The following STARD13 variants were observed in gnomAD, a reference collection of about 807,000 sequenced individuals.
The protein encoded by STARD13 is stAR-related lipid transfer protein 13.
In STARD13, 62 loss-of-function variants were observed where a neutral mutation model predicts 106.4. The ratio of observed to expected loss-of-function variants is 0.58; its 90% CI spans 0.48 to 0.72. The LOEUF (loss-of-function observed/expected upper bound fraction) is 0.72, where lower values mean the gene tolerates loss of function less well. Among genes scored for constraint, STARD13 ranks in the 30% least tolerant of loss-of-function variants. The probability of loss-of-function intolerance (pLI) is 0.00; values close to 1 mark genes in which losing one functional copy is unlikely to be tolerated. For synonymous variants in STARD13, 565 were observed against 553.0 expected (o/e 1.02, Z -0.31); for missense variants, 1,387 against 1,424.0 (o/e 0.97, Z 0.42).
At chr13:33,593,267 C>A in the STARD13 span, among the ~76,000 whole-genome samples, 334 of 152,206 alleles carry the variant, frequency 2.2e-3, 1 homozygote, top group African/African-American at 7.4e-3. Context: ...CCACTGCAAC[C>A]TCTGCCTCCC....
rs923551105 is a variant in STARD13, at chr13:33,350,288, A to C, written c.124+2T>G. ...GGGTCGCGGCGTCTCCGGGGCACTG[A>C]CCTGCCAGCCGCCTCTCCCGGACGT... is the stretch of plus-strand genomic sequence containing the variant. On this transcript the variant is annotated splice_donor_variant, in intron 1 of 1. Transcript: ENST00000439831. LOFTEE classifies it high-confidence loss of function. 1 of 1,530,500 alleles carries C rather than the reference A, an allele frequency of 6.5e-7. No individual in the cohort carries two copies. Among genetic ancestry groups the C allele is most frequent in the Non-Finnish European group, 8.7e-7 (1 of 1,144,494 alleles). 94.8% of individuals were successfully genotyped at this position (1,530,500 alleles called of 1,614,324 possible). A position where few individuals can be genotyped will look rare whatever the true frequency, so the allele number is the denominator to read the frequency against.
chr13:33,582,720 A>G, the STARD13 span, among the ~76,000 whole-genome samples: 1 of 152,244 alleles, frequency 6.6e-6, no homozygotes, highest in South Asian at 2.1e-4. Context: ...CTTTGGTACA[A>G]CACAGCAGAT....
chr13:33,507,403 A>C, the STARD13 span, among the ~76,000 whole-genome samples: 1 of 152,178 alleles, frequency 6.6e-6, no homozygotes, highest in African/African-American at 2.4e-5. Context: ...TTTTAAATAA[A>C]ATTATGAAAC....
In STARD13 at chr13:33,215,124, G is replaced by T. The variant is rs556503427; in HGVS notation, c.170-47502C>A. 6.6e-3 allele frequency among the ~76,000 whole-genome samples: 851 copies of T among 128,376 alleles called. 3 individuals are homozygous for T. The highest frequency in any genetic ancestry group is 0.011 in the Non-Finnish European group (671 of 62,192). 84.2% of individuals were successfully genotyped at this position (128,376 alleles called of 152,430 possible). On this transcript the variant is annotated intron_variant, in intron 1 of 13. Transcript: ENST00000336934. ...TCAGGAATAGAATGAGTACTTGGGGGGGGGGGTGGGGGGAAATAAGCACCT... is the reference window on the plus strand; with the variant it reads ...TCAGGAATAGAATGAGTACTTGGGGTGGGGGGTGGGGGGAAATAAGCACCT...
intron 4 of STARD13, among the ~76,000 whole-genome samples, chr13:33,141,200 A>G (rs998283649): frequency 6.6e-6 from 1 of 152,242 alleles, no homozygotes; most frequent in Admixed American, 6.5e-5. Flanking sequence ...GAATCAATTC[A>G]GTGAAAAAGA....
the STARD13 span, among the ~76,000 whole-genome samples, chr13:33,630,376 C>T: frequency 6.6e-6 from 1 of 152,178 alleles, no homozygotes; most frequent in Admixed American, 6.5e-5. Context: ...CTCTTCACCA[C>T]TTTCCTAGCC....
At chr13:33,526,088 T>C in the STARD13 span, among the ~76,000 whole-genome samples, 8 of 152,122 alleles carry the variant, frequency 5.3e-5, no homozygotes, top group Non-Finnish European at 1.2e-4. Flanking sequence ...ATGGTGATGA[T>C]TATAGTAGCT....
chr13:33,630,797 C>T, the STARD13 span, among the ~76,000 whole-genome samples: 1 of 152,084 alleles, frequency 6.6e-6, no homozygotes, highest in East Asian at 1.9e-4. Flanking sequence ...TCCCACCATC[C>T]TAATCCTCCT....
intron 1 of STARD13, among the ~76,000 whole-genome samples, chr13:33,339,402 C>T (rs949742478): frequency 6.6e-6 from 1 of 152,228 alleles, no homozygotes; most frequent in African/African-American, 2.4e-5. Flanking sequence ...AGACACTGTA[C>T]AATCTATGCT....
intron 8 of STARD13, among the ~76,000 whole-genome samples, chr13:33,115,479 T>G (rs1022466459): frequency 6.6e-6 from 1 of 152,168 alleles, no homozygotes. Flanking sequence ...CTGATGGACT[T>G]TCTCCCTGTA....
chr13:33,467,960 A>G, the STARD13 span, among the ~76,000 whole-genome samples: 6,160 of 152,278 alleles, frequency 0.04, 396 homozygotes, highest in African/African-American at 0.14. Context: ...TTACTTAAGC[A>G]AACCTCATGG....
chr13:33,497,206 C>T, the STARD13 span, among the ~76,000 whole-genome samples: 1 of 152,092 alleles, frequency 6.6e-6, no homozygotes, highest in Non-Finnish European at 1.5e-5. Context: ...ATCTGCTGGG[C>T]TCCTCCATGT....
intron 1 of STARD13, among the ~76,000 whole-genome samples, chr13:33,223,089 A>C (rs1242871597): frequency 6.6e-6 from 1 of 152,236 alleles, no homozygotes; most frequent in Non-Finnish European, 1.5e-5. Flanking sequence ...TTTAGTTAAG[A>C]TCTGATAGTC....
At chr13:33,400,709 C>T in the STARD13 span, among the ~76,000 whole-genome samples, 11 of 152,228 alleles carry the variant, frequency 7.2e-5, no homozygotes, top group East Asian at 1.4e-3. Flanking sequence ...GTGATCCGCC[C>T]GCCTTGGCCT....
At chr13:33,415,998 C>T in the STARD13 span, among the ~76,000 whole-genome samples, 1 of 152,164 alleles carries the variant, frequency 6.6e-6, no homozygotes, top group Admixed American at 6.5e-5. Context: ...AGAAAATGAT[C>T]ATGTTTTTGC....
At chr13:33,283,754 A>C (rs1275109911) in intron 1 of STARD13, among the ~76,000 whole-genome samples, 4 of 152,212 alleles carry the variant, frequency 2.6e-5, no homozygotes. Context: ...ATGAAACATA[A>C]ACTGAGGGTG....
At chr13:33,528,257 C>CATATATATATATATATATAT in the STARD13 span, among the ~76,000 whole-genome samples, 47 of 92,890 alleles carry the variant, frequency 5.1e-4, no homozygotes, top group African/African-American at 2.9e-3. Context: ...TATATATATA[C>CATATATATATATATATATAT]ATATATATAT....
intron 1 of STARD13, among the ~76,000 whole-genome samples, chr13:33,247,532 TA>T (rs1889889574): frequency 6.6e-6 from 1 of 152,122 alleles, no homozygotes; most frequent in Admixed American, 6.6e-5. Context: ...GGGTGCCTAA[TA>T]TACGTTATAT....
intron 1 of STARD13, among the ~76,000 whole-genome samples, chr13:33,316,373 A>G (rs947195321): frequency 3.3e-5 from 5 of 152,194 alleles, no homozygotes; most frequent in African/African-American, 4.8e-5. Flanking sequence ...ATCTATAATA[A>G]GCAATGTAGA....
Sources: gnomAD v4.1 joint callset for allele counts (sites outside exome capture counted in the v4.1 genomes callset) on GRCh38, gnomAD v4.1.1 for gene constraint, MANE v1.5 for transcripts, NCBI Gene and HGNC (gene_info 2026-07-23, HGNC 2026-07-21) for gene names.